Variants in SNTG1 observed in about 807,000 individuals in gnomAD.
SNTG1 encodes the protein syntrophin gamma 1.
Under a neutral mutation model 74.7 loss-of-function variants are expected in SNTG1, and 39 were observed. The ratio of observed to expected loss-of-function variants is 0.52; its 90% CI spans 0.40 to 0.68. SNTG1 has a LOEUF of 0.68. SNTG1 is among the 30% of genes least tolerant of loss of function. The probability of loss-of-function intolerance (pLI) is 0.00; values close to 1 mark genes in which losing one functional copy is unlikely to be tolerated. For missense variants in SNTG1, 685 were observed against 609.5 expected (o/e 1.12, Z -1.30); for synonymous variants, 254 against 217.1 (o/e 1.17, Z -1.49).
At chr8:50,235,135 A>G (rs1280937431) in intron 2 of SNTG1, among the ~76,000 whole-genome samples, 2 of 152,280 alleles carry the variant, frequency 1.3e-5, no homozygotes, top group East Asian at 3.9e-4. Flanking sequence ...CTGAACAGAT[A>G]TCAGCACTCT....
intron 2 of SNTG1, among the ~76,000 whole-genome samples, chr8:50,318,615 T>G (rs1329046211): frequency 1.3e-5 from 2 of 152,194 alleles, no homozygotes; most frequent in African/African-American, 2.4e-5. Context: ...GACAAAGATC[T>G]GTGCTTCCAA....
At chr8:50,007,138 G>C (rs1440724617) in intron 1 of SNTG1, among the ~76,000 whole-genome samples, 2 of 152,042 alleles carry the variant, frequency 1.3e-5, no homozygotes, top group African/African-American at 2.4e-5. Context: ...CAACTTGCTT[G>C]GTATGGTGGG....
At chr8:50,376,456 A>G (rs966238884) in intron 2 of SNTG1, among the ~76,000 whole-genome samples, 6 of 151,934 alleles carry the variant, frequency 3.9e-5, no homozygotes, top group Non-Finnish European at 5.9e-5. Flanking sequence ...CTATTACCTC[A>G]TCCTTGAGGA....
intron 4 of SNTG1, among the ~76,000 whole-genome samples, chr8:50,408,383 A>G (rs2092906491): frequency 2.0e-5 from 3 of 152,198 alleles, no homozygotes; most frequent in Non-Finnish European, 4.4e-5. Context: ...TTGTGAGGTT[A>G]GACGCACTAG....
At chr8:50,783,119 C>A (rs2095664787) in intron 18 of SNTG1, among the ~76,000 whole-genome samples, 3 of 152,096 alleles carry the variant, frequency 2.0e-5, no homozygotes, top group Admixed American at 1.3e-4. Flanking sequence ...GGGGTGCCTC[C>A]CAGTTAGGCT....
intron 18 of SNTG1, among the ~76,000 whole-genome samples, chr8:50,771,102 G>C (rs1397818302): frequency 1.3e-5 from 2 of 152,104 alleles, no homozygotes; most frequent in Non-Finnish European, 2.9e-5. Context: ...TGAAAATGGG[G>C]AAGTGGCACT....
At chr8:50,024,082 G>A (rs537325095) in intron 1 of SNTG1, among the ~76,000 whole-genome samples, 1 of 152,270 alleles carries the variant, frequency 6.6e-6, no homozygotes, top group East Asian at 1.9e-4. Flanking sequence ...TAAGTTCCCA[G>A]GTGATGGCAA....
At chr8:50,371,449 A>C (rs2092266496) in intron 2 of SNTG1, among the ~76,000 whole-genome samples, 2 of 152,144 alleles carry the variant, frequency 1.3e-5, no homozygotes, top group South Asian at 4.1e-4. Flanking sequence ...TGCCAAGTTC[A>C]CTGTGATCAG....
At chr8:50,357,973 T>C (rs2091863679) in intron 2 of SNTG1, among the ~76,000 whole-genome samples, 1 of 151,254 alleles carries the variant, frequency 6.6e-6, no homozygotes, top group Admixed American at 6.6e-5. Context: ...TTTCCCTTTT[T>C]GTGTTTTTTT....
intron 13 of SNTG1, among the ~76,000 whole-genome samples, chr8:50,639,083 A>G (rs1041362937): frequency 6.6e-6 from 1 of 152,022 alleles, no homozygotes; most frequent in Non-Finnish European, 1.5e-5. Context: ...TCTAACTACA[A>G]CCTGATATTA....
chr8:50,535,423 T>C (rs1483383907), intron 10 of SNTG1, among the ~76,000 whole-genome samples: 1 of 152,064 alleles, frequency 6.6e-6, no homozygotes, highest in Non-Finnish European at 1.5e-5. Context: ...ATCCATAACA[T>C]CTGACATGAG....
chr8:50,256,377 A>G (rs1161024027), intron 2 of SNTG1, among the ~76,000 whole-genome samples: 1 of 151,952 alleles, frequency 6.6e-6, no homozygotes, highest in Non-Finnish European at 1.5e-5. Context: ...TAAAATTTTA[A>G]CATTTTGATT....
chr8:50,302,771 G>A (rs2089710720), intron 2 of SNTG1, among the ~76,000 whole-genome samples: 1 of 152,064 alleles, frequency 6.6e-6, no homozygotes. Flanking sequence ...ACCAAATGCT[G>A]AGCAGATACA....
intron 1 of SNTG1, among the ~76,000 whole-genome samples, chr8:50,045,882 G>A (rs1819042213): frequency 6.6e-6 from 1 of 152,116 alleles, no homozygotes; most frequent in African/African-American, 2.4e-5. Context: ...CAGTTGTACT[G>A]GCCACCAAAG....
intron 17 of SNTG1, among the ~76,000 whole-genome samples, chr8:50,749,951 T>C (rs1331659891): frequency 6.6e-6 from 1 of 152,060 alleles, no homozygotes; most frequent in South Asian, 2.1e-4. Context: ...CAAGTCTTAT[T>C]ATTTAAGAAA....
At chr8:49,938,562 C>CTTTTCTTTTG (rs1554524785) in intron 1 of SNTG1, among the ~76,000 whole-genome samples, 5 of 27,746 alleles carry the variant, frequency 1.8e-4, no homozygotes, top group Admixed American at 4.7e-4. Context: ...CTTTTGTTTT[C>CTTTTCTTTTG]TTTTCTTTTC....
intron 1 of SNTG1, among the ~76,000 whole-genome samples, chr8:49,979,391 G>A (rs1271455312): frequency 6.6e-6 from 1 of 152,220 alleles, no homozygotes; most frequent in African/African-American, 2.4e-5. Context: ...AACAGCTTTT[G>A]TATGTCCTGT....
intron 8 of SNTG1, among the ~76,000 whole-genome samples, chr8:50,501,434 T>TG (rs2093952885): frequency 1.6e-5 from 2 of 124,542 alleles, no homozygotes; most frequent in Non-Finnish European, 3.4e-5. Flanking sequence ...CGTTTTTTTT[T>TG]TTTTTTTTTT....
chr8:50,103,845 T>C (rs2080252815), intron 1 of SNTG1, among the ~76,000 whole-genome samples: 1 of 152,234 alleles, frequency 6.6e-6, no homozygotes, highest in Non-Finnish European at 1.5e-5. Flanking sequence ...TTGGTTCTGT[T>C]TATATGCTGG....
Sources: gnomAD v4.1 joint callset for allele counts (sites outside exome capture counted in the v4.1 genomes callset) on GRCh38, gnomAD v4.1.1 for gene constraint, MANE v1.5 for transcripts, NCBI Gene and HGNC (gene_info 2026-07-23, HGNC 2026-07-21) for gene names.